NLGN1: variants seen among roughly 807,000 people sequenced by gnomAD.
NLGN1 encodes the protein neuroligin-1.
Under a neutral mutation model 65.5 loss-of-function variants are expected in NLGN1, and 12 were observed. The observed-to-expected ratio is 0.18, with a 90% CI of 0.12 to 0.30. The LOEUF is 0.30. Ranked by LOEUF, NLGN1 falls within the 10% of genes least tolerant of loss-of-function variation. The pLI is 1.00. For synonymous variants in NLGN1, 350 were observed against 359.5 expected, an observed-to-expected ratio of 0.97 and a Z score of 0.30; for missense variants, 750 against 1,007.1, an observed-to-expected ratio of 0.74 and a Z score of 3.46.
chr3:173,850,372 G>T (rs1357719535), intron 4 of NLGN1, among the ~76,000 whole-genome samples: 2 of 152,080 alleles, frequency 1.3e-5, no homozygotes, highest in East Asian at 3.8e-4. Flanking sequence ...ATTCTGAAAG[G>T]TCCCTGGGGC....
intron 4 of NLGN1, among the ~76,000 whole-genome samples, chr3:173,882,232 T>A (rs959260333): frequency 1.3e-5 from 2 of 152,224 alleles, no homozygotes; most frequent in Non-Finnish European, 2.9e-5. Context: ...GTTCCATTTT[T>A]TGAGCACAGG....
chr3:174,106,540 A>G (rs919729421), intron 4 of NLGN1, among the ~76,000 whole-genome samples: 1 of 152,072 alleles, frequency 6.6e-6, no homozygotes. Flanking sequence ...TTTTTCATTA[A>G]ACATTTTATT....
At chr3:173,723,313 C>G (rs1044360861) in intron 3 of NLGN1, among the ~76,000 whole-genome samples, 1 of 152,130 alleles carries the variant, frequency 6.6e-6, no homozygotes, top group African/African-American at 2.4e-5. Context: ...TTATGTGTAA[C>G]TAAGGAACAA....
intron 2 of NLGN1, among the ~76,000 whole-genome samples, chr3:173,589,145 A>T (rs2149390634): frequency 6.6e-6 from 1 of 152,362 alleles, no homozygotes; most frequent in African/African-American, 2.4e-5. Context: ...TTAAGTGGAC[A>T]AACTTTGATT....
At chr3:173,531,436 GA>G (rs1203341193) in intron 2 of NLGN1, among the ~76,000 whole-genome samples, 5 of 151,654 alleles carry the variant, frequency 3.3e-5, no homozygotes, top group South Asian at 4.2e-4. Context: ...TCAATTTTTA[GA>G]AAAAAATCTT....
At chr3:173,554,978 G>T (rs912851880) in intron 2 of NLGN1, among the ~76,000 whole-genome samples, 1 of 152,232 alleles carries the variant, frequency 6.6e-6, no homozygotes, top group East Asian at 1.9e-4. Context: ...TCTCATTGTG[G>T]TTTTTAACTT....
chr3:173,993,809 G>GTA (rs1425393185), intron 4 of NLGN1, among the ~76,000 whole-genome samples: 5 of 151,524 alleles, frequency 3.3e-5, no homozygotes, highest in Non-Finnish European at 2.9e-5. Flanking sequence ...ATAGTATTGT[G>GTA]TATATATATA....
chr3:173,970,828 C>T (rs1716066499), intron 4 of NLGN1, among the ~76,000 whole-genome samples: 1 of 152,148 alleles, frequency 6.6e-6, no homozygotes, highest in African/African-American at 2.4e-5. Context: ...CTGGTTGCTA[C>T]TTGCACTTCT....
intron 2 of NLGN1, among the ~76,000 whole-genome samples, chr3:173,479,807 A>G (rs1726932186): frequency 6.6e-6 from 1 of 152,208 alleles, no homozygotes. Flanking sequence ...TAAAGAAAAA[A>G]ATTGGTATAA....
chr3:174,063,191 G>A (rs1737780854), intron 4 of NLGN1, among the ~76,000 whole-genome samples: 1 of 152,080 alleles, frequency 6.6e-6, no homozygotes, highest in African/African-American at 2.4e-5. Flanking sequence ...GGACAACAAT[G>A]GAATGACATC....
At chr3:173,853,025 A>G (rs995167854) in intron 4 of NLGN1, among the ~76,000 whole-genome samples, 6 of 152,184 alleles carry the variant, frequency 3.9e-5, no homozygotes, top group African/African-American at 1.4e-4. Flanking sequence ...TCACAGATTT[A>G]CAAGAAATGG....
chr3:174,075,711 T>C (rs1356174694), intron 4 of NLGN1, among the ~76,000 whole-genome samples: 2 of 152,174 alleles, frequency 1.3e-5, no homozygotes, highest in Admixed American at 1.3e-4. Flanking sequence ...GATACTTATG[T>C]TTCATCATTA....
At chr3:173,770,782 G>T (rs544770473) in intron 3 of NLGN1, among the ~76,000 whole-genome samples, 1 of 152,088 alleles carries the variant, frequency 6.6e-6, no homozygotes, top group Non-Finnish European at 1.5e-5. Context: ...GCTTGAAGGG[G>T]ATTGAATAAG....
intron 4 of NLGN1, among the ~76,000 whole-genome samples, chr3:173,912,983 C>T (rs943967773): frequency 1.3e-5 from 2 of 152,030 alleles, no homozygotes; most frequent in African/African-American, 4.8e-5. Flanking sequence ...AGAGGAATGC[C>T]TTCAATGGCT....
rs918813404 is a variant in NLGN1, at chr3:173,641,501, T to C, written c.493+36410T>C. On this transcript the variant is annotated intron_variant, in intron 3 of 6. Coordinates refer to ENST00000457714, the Ensembl canonical transcript of NLGN1. Reference sequence around the variant, plus strand: ...TAGTAGAGACAGGGTTTCGCCATGTTGGCCCGGCTGGTCTCCTGACCTCAG... The same window carrying C: ...TAGTAGAGACAGGGTTTCGCCATGTCGGCCCGGCTGGTCTCCTGACCTCAG... 2.6e-5 allele frequency among the ~76,000 whole-genome samples: 4 copies of C among 152,158 alleles called. No individual in the cohort carries two copies. The East Asian group carries it at 7.7e-4, about 29-fold the overall frequency.
At chr3:174,072,549 A>G (rs950701216) in intron 4 of NLGN1, among the ~76,000 whole-genome samples, 1 of 152,146 alleles carries the variant, frequency 6.6e-6, no homozygotes, top group Non-Finnish European at 1.5e-5. Flanking sequence ...TGAAGGCAAA[A>G]TAGAGGATTT....
At chr3:173,837,629 A>G (rs1233608734) in intron 4 of NLGN1, among the ~76,000 whole-genome samples, 1 of 152,208 alleles carries the variant, frequency 6.6e-6, no homozygotes, top group Non-Finnish European at 1.5e-5. Flanking sequence ...TGAGCATTCC[A>G]ATCCTAATTC....
chr3:174,251,910 AAAAG>A (rs1744834091), intron 4 of NLGN1, among the ~76,000 whole-genome samples: 2 of 152,172 alleles, frequency 1.3e-5, no homozygotes, highest in African/African-American at 4.8e-5. Flanking sequence ...GTGCAGAAAA[AAAAG>A]AAAACTGGCT....
intron 4 of NLGN1, among the ~76,000 whole-genome samples, chr3:174,009,333 G>C (rs573972687): frequency 3.3e-5 from 5 of 152,262 alleles, no homozygotes; most frequent in Non-Finnish European, 7.4e-5. Flanking sequence ...TGAGGGGTTG[G>C]GGTTGGGGAA....
Sources: allele counts gnomAD v4.1 joint callset (sites outside exome capture counted in the v4.1 genomes callset), GRCh38; gene constraint gnomAD v4.1.1; transcripts MANE v1.5; gene names NCBI Gene and HGNC (gene_info 2026-07-23, HGNC 2026-07-21).